The following PAX7 variants were observed in gnomAD, a reference collection of about 807,000 sequenced individuals.
PAX7 encodes the protein paired box 7.
In PAX7, 18 loss-of-function variants were observed where a neutral mutation model predicts 50.7. The ratio of observed to expected loss-of-function variants is 0.36; its 90% CI spans 0.25 to 0.53. The LOEUF is 0.53. Among genes scored for constraint, PAX7 ranks in the 20% least tolerant of loss-of-function variants. The pLI, the probability that PAX7 is intolerant of heterozygous loss-of-function variation, is 0.93. For synonymous variants in PAX7, 310 were observed against 290.4 expected (o/e 1.07, Z -0.69); for missense variants, 644 against 702.9 (o/e 0.92, Z 0.95).
At chr1:18,670,560 C>T (rs2088731923) in intron 4 of PAX7, among the ~76,000 whole-genome samples, 1 of 152,184 alleles carries the variant, frequency 6.6e-6, no homozygotes, top group South Asian at 2.1e-4. Flanking sequence ...CTTGCTTTCC[C>T]TCGGGCCTGA....
At chr1:18,669,547 A>T (rs1485589978) in intron 4 of PAX7, among the ~76,000 whole-genome samples, 1 of 152,174 alleles carries the variant, frequency 6.6e-6, no homozygotes, top group African/African-American at 2.4e-5. Context: ...GAAGACAATG[A>T]GTTGGGACTA....
chr1:18,733,588 G>C (rs137986681), intron 7 of PAX7, among the ~76,000 whole-genome samples: 3 of 152,130 alleles, frequency 2.0e-5, no homozygotes, highest in African/African-American at 7.2e-5. Flanking sequence ...AGAGGGAAAA[G>C]GTGGAGGAGG....
rs1019977899 is a variant in PAX7 at position 18,745,679 on chromosome 1, A to G, written c.*750A>G. ...CTTGTCAGCCGTGGGCCCGCCCAGGATACAAGGACCCAACTCAGGCTTCTG... is the reference window on the plus strand; with the variant it reads ...CTTGTCAGCCGTGGGCCCGCCCAGGGTACAAGGACCCAACTCAGGCTTCTG... On this transcript the variant is annotated 3_prime_UTR_variant, in exon 9 of 9. Transcript: ENST00000420770. 7.8e-5 allele frequency: 18 copies of G among 231,132 alleles called. No homozygotes were observed. Among genetic ancestry groups the G allele is most frequent in the Non-Finnish European group, 1.0e-4 (12 of 116,820 alleles). 14.3% of individuals were successfully genotyped at this position (231,132 alleles called of 1,614,324 possible).
chr1:18,706,460 C>CTT (rs71027391), intron 7 of PAX7, among the ~76,000 whole-genome samples: 36 of 98,618 alleles, frequency 3.7e-4, no homozygotes, highest in Middle Eastern at 4.7e-3. Flanking sequence ...CTCTCTCTCT[C>CTT]TTTTTTTTTT....
At chr1:18,655,773 GTGTGTGT>G (rs2088507108) in intron 4 of PAX7, among the ~76,000 whole-genome samples, 2 of 113,280 alleles carry the variant, frequency 1.8e-5, no homozygotes, top group Admixed American at 9.4e-5. Context: ...TGGAGAGGGT[GTGTGTGT>G]GTGTGTGTGT....
At chr1:18,728,525 G>A (rs971544255) in intron 7 of PAX7, among the ~76,000 whole-genome samples, 1 of 151,984 alleles carries the variant, frequency 6.6e-6, no homozygotes. Flanking sequence ...ACTAGTGGCC[G>A]TCAAACTTGG....
intron 4 of PAX7, among the ~76,000 whole-genome samples, chr1:18,644,872 G>A (rs2088313725): frequency 6.6e-6 from 1 of 152,208 alleles, no homozygotes; most frequent in Non-Finnish European, 1.5e-5. Flanking sequence ...CCTCTGGAGT[G>A]TATGTGTGTG....
chr1:18,719,553 C>T (rs1463709695), intron 7 of PAX7, among the ~76,000 whole-genome samples: 1 of 152,202 alleles, frequency 6.6e-6, no homozygotes, highest in Admixed American at 6.5e-5. Context: ...ATTAAGGTCC[C>T]GTGAGGGCCC....
rs368110071 is a variant in PAX7 at position 18,634,587 on chromosome 1, G to A, written c.321+49G>A. The A allele has an allele frequency of 1.9e-6, 3 of 1,544,552 alleles. No individual in the cohort carries two copies. The African/African-American group carries it at 4.1e-5, about 21-fold the overall frequency. On this transcript the variant is annotated intron_variant, in intron 2 of 8. Transcript: ENST00000420770. This position sits in a 1 kb window ranked among gnomAD's most constrained non-coding sequence, Gnocchi z 4.0. ...TGGCAGCTGGCTTCCTATAGTCGGG[G>A]GCTCCTGGTTGTGGCCCCTCTTACT... is the stretch of plus-strand genomic sequence containing the variant.
intron 7 of PAX7, among the ~76,000 whole-genome samples, chr1:18,722,783 G>A (rs1472508134): frequency 6.6e-6 from 1 of 152,150 alleles, no homozygotes; most frequent in African/African-American, 2.4e-5. Context: ...ATCTCGTGAG[G>A]GGAGAGTGAA....
chr1:18,635,471 G>A (rs2088136145), intron 3 of PAX7, among the ~76,000 whole-genome samples: 1 of 120,246 alleles, frequency 8.3e-6, no homozygotes. Flanking sequence ...TAAGAAAGGA[G>A]AGAGAAATAA....
intron 4 of PAX7, among the ~76,000 whole-genome samples, chr1:18,655,768 A>AGG (rs1441247339): frequency 8.6e-5 from 9 of 104,774 alleles, no homozygotes; most frequent in South Asian, 6.1e-4. Flanking sequence ...AGACTTGGAG[A>AGG]GGGTGTGTGT....
At chr1:18,691,659 T>C in intron 4 of PAX7, 95 bp from the exon 5 acceptor site, 2 of 1,050,154 alleles carry the variant, frequency 1.9e-6, no homozygotes, top group South Asian at 3.0e-5. Flanking sequence ...GGGTCCTAGG[T>C]GGGCACGAGT....
chr1:18,743,103 C>T (rs531201188), intron 8 of PAX7, among the ~76,000 whole-genome samples: 2 of 152,328 alleles, frequency 1.3e-5, no homozygotes, highest in African/African-American at 4.8e-5. Context: ...TGCTTCCAAA[C>T]CAACATCTCT....
chr1:18,703,203 C>T lies in PAX7; in HGVS notation c.1062C>T (p.Ala354=). 6.2e-7 allele frequency: 1 copy of T among 1,614,146 alleles called. No individual in the cohort carries two copies. Among genetic ancestry groups the T allele is most frequent in the East Asian group, 2.2e-5 (1 of 44,886 alleles). ...AAADTSSAYG[A]RHSFSSYSDS... ...CCGACACCAGCTCTGCCTACGGAGC[C>T]CGCCACAGCTTCTCCAGCTACTCTG... is the stretch of plus-strand genomic sequence containing the variant. The change falls in exon 7 of 9, where the codon GCC becomes GCT. Residue 354 remains alanine (A), a synonymous_variant. Coordinates refer to ENST00000420770, the MANE Select transcript of PAX7 (RefSeq NM_001135254.2).
At chr1:18,699,409 G>A (rs2089187818) in intron 5 of PAX7, among the ~76,000 whole-genome samples, 2 of 152,264 alleles carry the variant, frequency 1.3e-5, no homozygotes, top group South Asian at 4.2e-4. Flanking sequence ...GCTGCAGGAA[G>A]AGTGTTCAGG....
At chr1:18,719,325 G>T (rs609959) in intron 7 of PAX7, among the ~76,000 whole-genome samples, 9 of 152,284 alleles carry the variant, frequency 5.9e-5, no homozygotes, top group South Asian at 2.1e-4. Flanking sequence ...ATGAGGAGAC[G>T]GGAGACCTGG....
chr1:18,675,422 G>A (rs1307169039), intron 4 of PAX7, among the ~76,000 whole-genome samples: 1 of 152,188 alleles, frequency 6.6e-6, no homozygotes, highest in Non-Finnish European at 1.5e-5. Context: ...CAGTTTTTAT[G>A]GGTGAAGGAA....
intron 4 of PAX7, among the ~76,000 whole-genome samples, chr1:18,642,640 C>G (rs916665561): frequency 3.9e-5 from 6 of 152,122 alleles, no homozygotes; most frequent in African/African-American, 1.4e-4. Context: ...CTCTTCTTTT[C>G]CCCTTCCCCC....
Sources: allele counts gnomAD v4.1 joint callset (sites outside exome capture counted in the v4.1 genomes callset), GRCh38; gene constraint gnomAD v4.1.1; non-coding constraint Gnocchi (gnomAD v3.1); transcripts MANE v1.5; gene names NCBI Gene and HGNC (gene_info 2026-07-23, HGNC 2026-07-21).